The following CSGALNACT1 variants were observed in gnomAD, a reference collection of about 807,000 sequenced individuals.
The protein encoded by CSGALNACT1 is chondroitin sulfate N-acetylgalactosaminyltransferase 1.
CSGALNACT1 carries 52 observed loss-of-function variants against 51.0 expected under a neutral mutation model. That is an observed-to-expected ratio of 1.02 (90% CI 0.82 to 1.29). The LOEUF is 1.29. Among genes scored for constraint, CSGALNACT1 ranks in the 50% most tolerant of loss-of-function variants. CSGALNACT1 has a pLI of 0.00. For synonymous variants in CSGALNACT1, 341 were observed against 254.4 expected (o/e 1.34, Z -3.24); for missense variants, 935 against 679.2 (o/e 1.38, Z -4.19).
intron 3 of CSGALNACT1, among the ~76,000 whole-genome samples, chr8:19,571,934 G>A (rs993934247): frequency 2.0e-5 from 3 of 152,274 alleles, no homozygotes; most frequent in Non-Finnish European, 2.9e-5. Context: ...CAATTATTTG[G>A]ATTAAAACTG....
intron 5 of CSGALNACT1, among the ~76,000 whole-genome samples, chr8:19,446,099 T>A (rs534870687): frequency 6.6e-6 from 1 of 152,248 alleles, no homozygotes; most frequent in African/African-American, 2.4e-5. Context: ...GACTTGAACC[T>A]GGGAGCTAGA....
chr8:19,675,402 CAA>C (rs1456196217), intron 1 of CSGALNACT1, among the ~76,000 whole-genome samples: 1 of 152,122 alleles, frequency 6.6e-6, no homozygotes, highest in African/African-American at 2.4e-5. Flanking sequence ...TTACAGAAAT[CAA>C]AGAGGAAAAG....
chr8:19,442,782 G>C (rs555101310), intron 5 of CSGALNACT1, among the ~76,000 whole-genome samples: 58 of 151,634 alleles, frequency 3.8e-4, no homozygotes, highest in African/African-American at 1.4e-3. Context: ...GATGAGACTA[G>C]AATCCTTGCC....
intron 1 of CSGALNACT1, among the ~76,000 whole-genome samples, chr8:19,669,775 G>A (rs1006449131): frequency 1.3e-5 from 2 of 152,164 alleles, no homozygotes; most frequent in African/African-American, 2.4e-5. Flanking sequence ...GTGCCCAGCT[G>A]TAAACCATGT....
intron 3 of CSGALNACT1, among the ~76,000 whole-genome samples, chr8:19,566,061 T>C (rs2041845714): frequency 6.6e-6 from 1 of 152,238 alleles, no homozygotes; most frequent in Non-Finnish European, 1.5e-5. Context: ...TGTATCTGTC[T>C]CCTAATCCAT....
At chr8:19,631,805 A>G (rs1450900340) in intron 1 of CSGALNACT1, among the ~76,000 whole-genome samples, 1 of 152,232 alleles carries the variant, frequency 6.6e-6, no homozygotes, top group African/African-American at 2.4e-5. Flanking sequence ...AAAGCTTCTC[A>G]GATTTAAACA....
chr8:19,728,347 T>C (rs1454251218), intron 1 of CSGALNACT1, among the ~76,000 whole-genome samples: 3 of 152,176 alleles, frequency 2.0e-5, no homozygotes, highest in Non-Finnish European at 4.4e-5. Context: ...AGGTCAGCTC[T>C]AAAAATAAAA....
chr8:19,408,761 T>A, intron 8 of CSGALNACT1, 67 bp from the exon 8 acceptor site: 4 of 1,381,052 alleles, frequency 2.9e-6, no homozygotes, highest in Non-Finnish European at 4.1e-6. Context: ...GTTCACAAAC[T>A]CCTGTGAGCC....
intron 1 of CSGALNACT1, among the ~76,000 whole-genome samples, chr8:19,670,650 CA>C (rs752256046): frequency 0.021 from 1,965 of 92,816 alleles, 16 homozygotes; most frequent in Admixed American, 0.029. Flanking sequence ...CTACTGAAGA[CA>C]AAAAAAAAAA....
intron 3 of CSGALNACT1, among the ~76,000 whole-genome samples, chr8:19,550,306 A>G (rs4452802): frequency 0.022 from 3,307 of 152,256 alleles, 101 homozygotes; most frequent in African/African-American, 0.068. Flanking sequence ...TTAGAAAAAC[A>G]GATTTTGGAC....
intron 4 of CSGALNACT1, among the ~76,000 whole-genome samples, chr8:19,480,269 C>T (rs1449867007): frequency 1.3e-5 from 2 of 152,212 alleles, no homozygotes; most frequent in East Asian, 1.9e-4. Context: ...TCCCATCCTC[C>T]ACCCTCAGAG....
chr8:19,533,431 T>C (rs1332044744), intron 3 of CSGALNACT1, among the ~76,000 whole-genome samples: 1 of 152,046 alleles, frequency 6.6e-6, no homozygotes, highest in Admixed American at 6.6e-5. Flanking sequence ...TTTTAATTTA[T>C]CCTAATTTAA....
At chr8:19,553,093 T>A (rs1022823243) in intron 3 of CSGALNACT1, among the ~76,000 whole-genome samples, 1 of 152,142 alleles carries the variant, frequency 6.6e-6, no homozygotes, top group African/African-American at 2.4e-5. Flanking sequence ...GTACAGAAAT[T>A]TGAGCCTGGC....
chr8:19,430,439 G>A (rs932365682), intron 6 of CSGALNACT1, among the ~76,000 whole-genome samples: 4 of 152,270 alleles, frequency 2.6e-5, no homozygotes, highest in Admixed American at 2.6e-4. Flanking sequence ...TGAATATCCA[G>A]TCATCCCAGA....
At chr8:19,458,508 T>C in exon 5 of CSGALNACT1, 1 of 1,614,218 alleles carries the variant, frequency 6.2e-7, no homozygotes, top group Non-Finnish European at 8.5e-7. Flanking sequence ...TTGGCCATGT[T>C]GAGCTTTTCA....
intron 3 of CSGALNACT1, among the ~76,000 whole-genome samples, chr8:19,550,467 T>C (rs543681790): frequency 1.3e-5 from 2 of 152,344 alleles, no homozygotes; most frequent in African/African-American, 2.4e-5. Flanking sequence ...CCCTCTTTCA[T>C]GGATGCAATA....
chr8:19,660,889 A>C (rs1222972399), intron 1 of CSGALNACT1, among the ~76,000 whole-genome samples: 1 of 152,048 alleles, frequency 6.6e-6, no homozygotes, highest in Non-Finnish European at 1.5e-5. Context: ...CTATGGCACA[A>C]GGACCGTTCA....
intron 1 of CSGALNACT1, among the ~76,000 whole-genome samples, chr8:19,698,482 C>A (rs2061691615): frequency 6.6e-6 from 1 of 152,176 alleles, no homozygotes; most frequent in African/African-American, 2.4e-5. Flanking sequence ...CAGACATTTA[C>A]ATTGTACAGA....
chr8:19,745,562 T>C (rs941591635), intron 1 of CSGALNACT1, among the ~76,000 whole-genome samples: 1 of 152,224 alleles, frequency 6.6e-6, no homozygotes, highest in Non-Finnish European at 1.5e-5. Flanking sequence ...ACTAGCTGGA[T>C]GTGCACAGAT....
Sources: allele counts gnomAD v4.1 joint callset (sites outside exome capture counted in the v4.1 genomes callset), GRCh38; gene constraint gnomAD v4.1.1; transcripts MANE v1.5; gene names NCBI Gene and HGNC (gene_info 2026-07-23, HGNC 2026-07-21).